Variants in DOCK2 observed in about 807,000 individuals in gnomAD.
The protein encoded by DOCK2 is dedicator of cytokinesis protein 2.
DOCK2 carries 87 observed loss-of-function variants against 248.9 expected under a neutral mutation model. The observed-to-expected ratio is 0.35, with a 90% CI of 0.29 to 0.42. The LOEUF (loss-of-function observed/expected upper bound fraction) is 0.42. Among genes scored for constraint, DOCK2 ranks in the 10% least tolerant of loss-of-function variants. The probability of loss-of-function intolerance (pLI) is 1.00; values close to 1 mark genes in which losing one functional copy is unlikely to be tolerated. For missense variants in DOCK2, 1,747 were observed against 2,300.2 expected (o/e 0.76, Z 4.92); for synonymous variants, 805 against 821.6 (o/e 0.98, Z 0.35).
intron 38 of DOCK2, among the ~76,000 whole-genome samples, chr5:170,044,490 T>C (rs1015331707): frequency 1.3e-5 from 2 of 152,126 alleles, no homozygotes; most frequent in Admixed American, 1.3e-4. Flanking sequence ...TCTTAACCCA[T>C]GGGGAGAGCG....
intron 13 of DOCK2, 46 bp from the exon 14 acceptor site, chr5:169,702,257 T>C (rs1213810413): frequency 1.2e-6 from 2 of 1,606,254 alleles, no homozygotes; most frequent in Non-Finnish European, 1.7e-6. Context: ...GCGTCTCTCC[T>C]GCTGTAATCC....
At chr5:170,015,562 G>GTTTTT (rs574927254) in intron 32 of DOCK2, among the ~76,000 whole-genome samples, 17 of 120,670 alleles carry the variant, frequency 1.4e-4, no homozygotes, top group South Asian at 8.8e-4. Flanking sequence ...CTGATTTTAG[G>GTTTTT]TTTTTTTTGT....
At chr5:170,044,948 C>T (rs73800276) in intron 38 of DOCK2, among the ~76,000 whole-genome samples, 13,124 of 152,188 alleles carry the variant, frequency 0.086, 946 homozygotes, top group African/African-American at 0.19. Flanking sequence ...TGCAGACCGT[C>T]CTGACCTCCT....
At chr5:169,759,862 T>G in intron 24 of DOCK2, 87 bp downstream of exon 24, 1 of 1,449,328 alleles carries the variant, frequency 6.9e-7, no homozygotes, top group Non-Finnish European at 9.7e-7. Context: ...GAGCTCCAGA[T>G]GGGCACTCAG....
intron 23 of DOCK2, 30 bp from the exon 24 acceptor site, chr5:169,759,675 T>C: frequency 6.2e-7 from 1 of 1,613,080 alleles, no homozygotes; most frequent in South Asian, 1.1e-5. Context: ...GATGTGAGGA[T>C]CACTTATATG....
intron 47 of DOCK2, 78 bp from the exon 48 acceptor site, chr5:170,077,632 G>A: frequency 1.9e-6 from 3 of 1,584,536 alleles, no homozygotes; most frequent in East Asian, 4.5e-5. Context: ...CTGCCTAGGT[G>A]GAGGAAGAAG....
intron 8 of DOCK2, among the ~76,000 whole-genome samples, chr5:169,688,600 C>T (rs1292321937): frequency 2.6e-5 from 4 of 152,162 alleles, no homozygotes; most frequent in African/African-American, 9.7e-5. Flanking sequence ...TTCCTTTGAG[C>T]ATCATGTTGA....
chr5:169,771,833 G>A (rs1765105712), intron 25 of DOCK2, among the ~76,000 whole-genome samples: 1 of 152,102 alleles, frequency 6.6e-6, no homozygotes, highest in African/African-American at 2.4e-5. Context: ...TCTAAAAGAT[G>A]TTCATTATTT....
chr5:169,717,340 C>A (rs777691466), intron 20 of DOCK2, 44 bp from the exon 21 acceptor site: 6 of 1,555,632 alleles, frequency 3.9e-6, no homozygotes, highest in Middle Eastern at 3.4e-4. Context: ...GGCTTCCTGC[C>A]CTGGGTTTGC....
chr5:169,898,063 G>A (rs1773713963), intron 27 of DOCK2, among the ~76,000 whole-genome samples: 1 of 152,194 alleles, frequency 6.6e-6, no homozygotes, highest in Admixed American at 6.5e-5. Flanking sequence ...TGGGGAGAGA[G>A]TCCCCTGTCA....
intron 27 of DOCK2, among the ~76,000 whole-genome samples, chr5:169,881,077 CT>C (rs1772616070): frequency 6.6e-6 from 1 of 152,114 alleles, no homozygotes; most frequent in Non-Finnish European, 1.5e-5. Context: ...GACCGAATGC[CT>C]TAACTTTCCT....
intron 27 of DOCK2, among the ~76,000 whole-genome samples, chr5:169,912,616 A>AGT (rs780723793): frequency 8.2e-6 from 1 of 122,682 alleles, no homozygotes; most frequent in Non-Finnish European, 1.7e-5. Flanking sequence ...TGTGTGGTGG[A>AGT]GTGTATGTGT....
intron 40 of DOCK2, 82 bp from the exon 41 acceptor site, chr5:170,050,174 T>G (rs1756865842): frequency 1.3e-6 from 2 of 1,555,616 alleles, no homozygotes; most frequent in Non-Finnish European, 1.7e-6. Context: ...ACCGTGGTCA[T>G]TTTACAAGCT....
At chr5:170,014,837 C>G (rs1373588348) in intron 32 of DOCK2, among the ~76,000 whole-genome samples, 1 of 151,996 alleles carries the variant, frequency 6.6e-6, no homozygotes, top group Non-Finnish European at 1.5e-5. Context: ...GGTAGTTTAT[C>G]CTGAGAGCAA....
At chr5:169,857,379 G>A (rs1460954482) in intron 27 of DOCK2, among the ~76,000 whole-genome samples, 3 of 152,158 alleles carry the variant, frequency 2.0e-5, no homozygotes, top group African/African-American at 7.2e-5. Flanking sequence ...TCTTGGCAGG[G>A]GGAAGGGTAC....
chr5:169,989,228 T>A (rs1412159772), intron 29 of DOCK2, among the ~76,000 whole-genome samples: 3 of 152,206 alleles, frequency 2.0e-5, no homozygotes, highest in Non-Finnish European at 4.4e-5. Context: ...AAGAAATACT[T>A]CCTGTTAGAG....
chr5:170,046,050 T>A, intron 39 of DOCK2, 145 bp downstream of exon 39: 1 of 711,234 alleles, frequency 1.4e-6, no homozygotes, highest in Admixed American at 2.2e-5. Flanking sequence ...TGAGAGAGGC[T>A]GTACTGAGCA....
rs78450053 is a variant in DOCK2 at position 169,674,364 on chromosome 5, A to T, written c.389A>T (p.Gln130Leu). 3 of 1,614,206 alleles carry T rather than the reference A, an allele frequency of 1.9e-6. No homozygotes were observed. The highest frequency in any genetic ancestry group is 2.5e-6 in the Non-Finnish European group (3 of 1,180,016). Residue 130 changes from glutamine to leucine, a missense_variant, in exon 6 of 52, where the codon CAG (glutamine) becomes CTG (leucine). Gln to Leu is a moderately radical substitution (Grantham distance 113). Around this residue, in one of 4 missense-constraint regions of DOCK2, gnomAD observed 375 missense variants for 510.9 expected, o/e 0.73. Transcript: ENST00000520908. ...TACGATCTGATGGAGTGGAGGTCCC[A>T]GCTTCTCTCAGGAACCTTACCCAAG... ...MMYDLMEWRS[Q>L]LLSGTLPKDE...
At chr5:170,007,162 C>T (rs1006677403) in intron 30 of DOCK2, among the ~76,000 whole-genome samples, 1 of 152,170 alleles carries the variant, frequency 6.6e-6, no homozygotes, top group African/African-American at 2.4e-5. Flanking sequence ...ATAGTCTTGG[C>T]CATCTGCAAA....
Sources: allele counts gnomAD v4.1 joint callset (sites outside exome capture counted in the v4.1 genomes callset), GRCh38; gene constraint gnomAD v4.1.1; regional missense constraint gnomAD v4.1.1; transcripts MANE v1.5; gene names NCBI Gene and HGNC (gene_info 2026-07-23, HGNC 2026-07-21).